SPDYE10: variants seen among roughly 807,000 people sequenced by gnomAD.
The protein encoded by SPDYE10 is speedy protein E10.
chr7:73,137,581 A>AGAAGAGAT, the SPDYE10 span, among the ~76,000 whole-genome samples: 1 of 143,888 alleles, frequency 6.9e-6, no homozygotes, highest in Admixed American at 7.2e-5. Flanking sequence ...AAAGAAAGAA[A>AGAAGAGAT]GAAAGAAGAG....
At chr7:73,113,747 T>C in the SPDYE10 span, among the ~76,000 whole-genome samples, 2 of 151,856 alleles carry the variant, frequency 1.3e-5, no homozygotes, top group Admixed American at 1.3e-4. Flanking sequence ...TACAAAAAAT[T>C]AGACGGGGCC....
the SPDYE10 span, among the ~76,000 whole-genome samples, chr7:73,128,317 A>G: frequency 7.0e-6 from 1 of 142,726 alleles, no homozygotes; most frequent in Non-Finnish European, 1.5e-5. Flanking sequence ...CAATTTGCAT[A>G]CAGTGAAATT....
At chr7:73,149,718 T>C in the SPDYE10 span, among the ~76,000 whole-genome samples, 2 of 139,238 alleles carry the variant, frequency 1.4e-5, no homozygotes, top group Admixed American at 1.4e-4. Context: ...GTTCACATCT[T>C]AGCATGCTCT....
chr7:73,114,305 GCA>G, the SPDYE10 span, among the ~76,000 whole-genome samples: 5,944 of 117,860 alleles, frequency 0.05, 24 homozygotes, highest in Middle Eastern at 0.09. Flanking sequence ...GAACGTTCCT[GCA>G]CACACACCTC....
At chr7:73,117,078 T>TTG in the SPDYE10 span, among the ~76,000 whole-genome samples, 34 of 145,484 alleles carry the variant, frequency 2.3e-4, no homozygotes, top group African/African-American at 8.6e-4. Flanking sequence ...GGTTTTTTTT[T>TTG]TTGTTGTTGT....
the SPDYE10 span, among the ~76,000 whole-genome samples, chr7:73,128,174 T>A: frequency 6.6e-6 from 1 of 152,086 alleles, no homozygotes; most frequent in African/African-American, 2.4e-5. Flanking sequence ...GTCTACGTAG[T>A]ATCAACTTGG....
At chr7:73,141,058 A>T in the SPDYE10 span, among the ~76,000 whole-genome samples, 2 of 140,004 alleles carry the variant, frequency 1.4e-5, no homozygotes, top group African/African-American at 5.2e-5. Context: ...ACATAGCAAG[A>T]CTCCATTTCT....
the SPDYE10 span, among the ~76,000 whole-genome samples, chr7:73,121,113 C>T: frequency 6.6e-6 from 1 of 152,014 alleles, no homozygotes; most frequent in South Asian, 2.1e-4. Context: ...CGGTGTCCAG[C>T]CCATTGTCAC....
the SPDYE10 span, among the ~76,000 whole-genome samples, chr7:73,126,381 C>T: frequency 1.1e-5 from 1 of 94,456 alleles, no homozygotes; most frequent in East Asian, 2.6e-4. Flanking sequence ...GTGGCGTGCA[C>T]CTGTAGTCCC....
the SPDYE10 span, among the ~76,000 whole-genome samples, chr7:73,114,600 G>T: frequency 2.2e-5 from 3 of 134,338 alleles, no homozygotes; most frequent in African/African-American, 8.0e-5. Context: ...ACAGTGGCAT[G>T]ATCTCGGCTC....
the SPDYE10 span, among the ~76,000 whole-genome samples, chr7:73,137,476 C>T: frequency 1.4e-3 from 199 of 146,434 alleles, no homozygotes; most frequent in Non-Finnish European, 1.4e-3. Context: ...AAGCCAAGAT[C>T]GTGCTGCTGC....
At chr7:73,152,054 G>A in the SPDYE10 span, among the ~76,000 whole-genome samples, 8 of 142,676 alleles carry the variant, frequency 5.6e-5, 1 homozygote, top group African/African-American at 1.3e-4. Flanking sequence ...TCATTCTGTC[G>A]CCCAGGCTGG....
chr7:73,130,401 TTAGA>T, the SPDYE10 span, among the ~76,000 whole-genome samples: 11 of 152,026 alleles, frequency 7.2e-5, no homozygotes, highest in Non-Finnish European at 1.2e-4. Context: ...AAAGGGGAAT[TTAGA>T]TAGATAAAAT....
chr7:73,128,245 A>G, the SPDYE10 span, among the ~76,000 whole-genome samples: 1 of 148,260 alleles, frequency 6.7e-6, no homozygotes, highest in Non-Finnish European at 1.5e-5. Context: ...GATACATACA[A>G]TATGATACCA....
At chr7:73,113,946 A>C in the SPDYE10 span, among the ~76,000 whole-genome samples, 3 of 151,794 alleles carry the variant, frequency 2.0e-5, no homozygotes, top group Non-Finnish European at 2.9e-5. Context: ...GAATGGCGTG[A>C]ACCCAGGAGG....
the SPDYE10 span, among the ~76,000 whole-genome samples, chr7:73,114,750 A>G: frequency 2.0e-5 from 3 of 150,030 alleles, no homozygotes; most frequent in East Asian, 2.0e-4. Flanking sequence ...GTCGTCCAGG[A>G]TGGTCTTGAA....
the SPDYE10 span, among the ~76,000 whole-genome samples, chr7:73,134,436 G>T: frequency 6.7e-6 from 1 of 149,668 alleles, no homozygotes; most frequent in Non-Finnish European, 1.5e-5. Context: ...TGAGTTAATG[G>T]GTGTAGCACA....
the SPDYE10 span, among the ~76,000 whole-genome samples, chr7:73,116,444 GTTAT>G: frequency 2.7e-5 from 1 of 37,132 alleles, no homozygotes. Context: ...CCTAGTTTTT[GTTAT>G]TTATTTATTT....
chr7:73,120,908 C>A, the SPDYE10 span, among the ~76,000 whole-genome samples: 18 of 148,636 alleles, frequency 1.2e-4, no homozygotes, highest in East Asian at 2.3e-3. Flanking sequence ...GCAACCTCCA[C>A]CTCCTGGGTT....
Sources: allele counts gnomAD v4.1 joint callset (sites outside exome capture counted in the v4.1 genomes callset), GRCh38; gene constraint gnomAD v4.1.1; transcripts MANE v1.5; gene names NCBI Gene and HGNC (gene_info 2026-07-23, HGNC 2026-07-21).